Variants in CLUAP1 observed in about 807,000 individuals in gnomAD.
The protein encoded by CLUAP1 is intraflagellar transport 38.
CLUAP1 carries 50 observed loss-of-function variants against 55.0 expected under a neutral mutation model. The ratio of observed to expected loss-of-function variants is 0.91; its 90% CI spans 0.72 to 1.15. The LOEUF is 1.15. CLUAP1 is among the 50% of genes most tolerant of loss of function. The pLI is 0.00. For missense variants in CLUAP1, 530 were observed against 507.6 expected, an observed-to-expected ratio of 1.04 and a Z score of -0.42; for synonymous variants, 195 against 175.4, an observed-to-expected ratio of 1.11 and a Z score of -0.88.
At chr16:3,495,680 TAAAA>T in the CLUAP1 span, among the ~76,000 whole-genome samples, 1 of 152,168 alleles carries the variant, frequency 6.6e-6, no homozygotes, top group East Asian at 1.9e-4. Context: ...TCAGGCCACA[TAAAA>T]CAGACAGCTC....
chr16:3,511,850 G>T (rs908253838), intron 4 of CLUAP1, among the ~76,000 whole-genome samples: 11 of 152,280 alleles, frequency 7.2e-5, no homozygotes, highest in African/African-American at 2.6e-4. Flanking sequence ...CCAACCAAAG[G>T]TAGGAGCTGA....
At position 3,522,352 on chromosome 16, in the gene CLUAP1, C is replaced by T. The variant is rs185164696; in HGVS notation, c.714-806C>T. Among the ~76,000 whole-genome samples the T allele has an allele frequency of 4.5e-4, 69 of 152,146 alleles. No individual in the cohort carries two copies. The East Asian group carries it at 5.6e-3, about 12-fold the overall frequency. The stretch of plus-strand genomic sequence containing the variant: ...CTAATGTTTGTATTTTTAGTAGAGA[C>T]GAGGTTTCACCATGTTGGCCAGGCT... On this transcript the variant is annotated intron_variant, in intron 7 of 11. Coordinates refer to ENST00000576634, the MANE Select transcript of CLUAP1 (RefSeq NM_015041.3).
intron 8 of CLUAP1, among the ~76,000 whole-genome samples, chr16:3,524,347 A>T (rs1311403263): frequency 2.0e-5 from 3 of 151,618 alleles, no homozygotes; most frequent in Admixed American, 2.0e-4. Context: ...CACGCCTGTA[A>T]TCCCAGCACT....
At chr16:3,496,758 G>A (rs1388952555), upstream of CLUAP1, 9 of 490,456 alleles carry the variant, frequency 1.8e-5, no homozygotes, top group African/African-American at 1.6e-4. Flanking sequence ...GCCAGCCGAG[G>A]CTACAAAAAC....
intron 4 of CLUAP1, among the ~76,000 whole-genome samples, chr16:3,509,743 G>A (rs1034236642): frequency 2.6e-5 from 4 of 152,250 alleles, no homozygotes; most frequent in Admixed American, 6.5e-5. Flanking sequence ...CTGCAGGGAA[G>A]AAAGCTTCCC....
At chr16:3,515,194 T>A (rs112406434) in intron 5 of CLUAP1, among the ~76,000 whole-genome samples, 14 of 141,422 alleles carry the variant, frequency 9.9e-5, no homozygotes, top group African/African-American at 3.1e-4. Flanking sequence ...TATCTCTATT[T>A]AAAAAAAAAA....
At chr16:3,529,432 ATATATATTATAT>A (rs2038013164) in intron 9 of CLUAP1, among the ~76,000 whole-genome samples, 1 of 73,638 alleles carries the variant, frequency 1.4e-5, no homozygotes, top group Non-Finnish European at 2.4e-5. Flanking sequence ...ATTATATATA[ATATATATTATAT>A]TATATATTAT....
At chr16:3,519,454 C>A (rs1171882451) in intron 6 of CLUAP1, among the ~76,000 whole-genome samples, 1 of 152,212 alleles carries the variant, frequency 6.6e-6, no homozygotes, top group Non-Finnish European at 1.5e-5. Context: ...CTGTTTCTTT[C>A]TCTCCCCTCC....
At chr16:3,520,277 C>T (rs577285273) in intron 7 of CLUAP1, among the ~76,000 whole-genome samples, 4 of 151,834 alleles carry the variant, frequency 2.6e-5, no homozygotes, top group African/African-American at 4.8e-5. Flanking sequence ...GAGGCTGAGG[C>T]GGGAGGATTG....
At chr16:3,536,023 A>T (rs1331077860) in intron 11 of CLUAP1, 99 bp from the exon 12 acceptor site, 1 of 1,438,820 alleles carries the variant, frequency 7.0e-7, no homozygotes, top group Non-Finnish European at 9.5e-7. Context: ...CTTCCTTCAC[A>T]CAGGGATGCT....
chr16:3,512,753 TCA>T (rs2037655173), intron 5 of CLUAP1, among the ~76,000 whole-genome samples: 1 of 152,228 alleles, frequency 6.6e-6, no homozygotes, highest in Non-Finnish European at 1.5e-5. Context: ...CAATCTCGTC[TCA>T]CTGCAAGCTC....
At chr16:3,496,233 A>G, upstream of CLUAP1, 1 of 621,650 alleles carries the variant, frequency 1.6e-6, no homozygotes, top group Non-Finnish European at 3.1e-6. Context: ...AGAAGGACCT[A>G]AAGGTTCGGC....
At chr16:3,532,882 G>A (rs766425287) in intron 11 of CLUAP1, 41 bp downstream of exon 11, 3 of 1,607,716 alleles carry the variant, frequency 1.9e-6, no homozygotes, top group Non-Finnish European at 2.6e-6. Context: ...TGCACTCTGG[G>A]TTTGGCTGTC....
At chr16:3,501,544 A>C (rs554021043) in intron 1 of CLUAP1, among the ~76,000 whole-genome samples, 63 of 152,318 alleles carry the variant, frequency 4.1e-4, no homozygotes, top group African/African-American at 1.5e-3. Flanking sequence ...ACACTTTGGG[A>C]GGCCGAGGCG....
Position 3,536,286 on chromosome 16 carries a change from G to C in CLUAP1, c.*15G>C, listed in dbSNP as rs770248966. 1 of 1,612,132 alleles carries C rather than the reference G, an allele frequency of 6.2e-7. No individual in the cohort carries two copies. The highest frequency in any genetic ancestry group is 1.7e-5 in the Admixed American group (1 of 59,766). ...ATGACTTCTGACCCTTTTGCCAAGG[G>C]ACCCTGGCAGATTAAAACCCTCAGA... On this transcript the variant is annotated 3_prime_UTR_variant, in exon 12 of 12. Coordinates refer to ENST00000576634, the MANE Select transcript of CLUAP1 (RefSeq NM_015041.3).
intron 7 of CLUAP1, among the ~76,000 whole-genome samples, chr16:3,521,591 C>T (rs1043165290): frequency 2.2e-4 from 33 of 152,066 alleles, no homozygotes; most frequent in African/African-American, 7.0e-4. Flanking sequence ...GCCGCCACCA[C>T]GCCCAGCTAA....
At chr16:3,508,645 A>G (rs988027127) in intron 4 of CLUAP1, among the ~76,000 whole-genome samples, 177 bp downstream of exon 4, 8 of 152,216 alleles carry the variant, frequency 5.3e-5, no homozygotes, top group Non-Finnish European at 1.2e-4. Context: ...TAATTCAACT[A>G]TTTATTAAAA....
chr16:3,509,029 G>C (rs1463137167), intron 4 of CLUAP1, among the ~76,000 whole-genome samples: 1 of 152,038 alleles, frequency 6.6e-6, no homozygotes, highest in Non-Finnish European at 1.5e-5. Flanking sequence ...GGCCGAGGTG[G>C]GAGGATCCTT....
rs2037505692 is a variant in CLUAP1, at chr16:3,506,336, A to C, written c.140A>C (p.Glu47Ala). Residue 47 changes from glutamate to alanine, a missense_variant, in exon 3 of 12, where the codon GAG (glutamate) becomes GCG (alanine). Physicochemically the swap from Glu to Ala is moderately radical, Grantham distance 107 (BLOSUM62 -1). Coordinates refer to ENST00000576634, the MANE Select transcript of CLUAP1 (RefSeq NM_015041.3). ...CCTCTTACCTCTCTTGATAGATATG[A>C]GCCCCAGACTGACATCCCGCCTGAC... ...EVLLWLVKRY[E>A]PQTDIPPDVD... is the part of the protein sequence containing the mutation. The C allele has an allele frequency of 6.2e-7, 1 of 1,613,538 alleles. No individual in the cohort carries two copies. Among genetic ancestry groups the C allele is most frequent in the Non-Finnish European group, 8.5e-7 (1 of 1,179,534 alleles).
Sources: allele counts gnomAD v4.1 joint callset (sites outside exome capture counted in the v4.1 genomes callset), GRCh38; gene constraint gnomAD v4.1.1; transcripts MANE v1.5; gene names NCBI Gene and HGNC (gene_info 2026-07-23, HGNC 2026-07-21).